The following INO80D variants were observed in gnomAD, a reference collection of about 807,000 sequenced individuals.
INO80D encodes INO80 complex subunit D.
INO80D carries 21 observed loss-of-function variants against 87.6 expected under a neutral mutation model. The ratio of observed to expected loss-of-function variants is 0.24; its 90% CI spans 0.17 to 0.35. INO80D has a LOEUF of 0.35. Ranked by LOEUF, INO80D falls within the 10% of genes least tolerant of loss-of-function variation. INO80D has a pLI of 1.00. For missense variants in INO80D, 982 were observed against 1,280.7 expected (o/e 0.77, Z 3.56); for synonymous variants, 440 against 491.0 (o/e 0.90, Z 1.37).
intron 8 of INO80D, among the ~76,000 whole-genome samples, chr2:206,011,414 A>G (rs1688171068): frequency 6.6e-6 from 1 of 152,190 alleles, no homozygotes; most frequent in Non-Finnish European, 1.5e-5. Flanking sequence ...CTTCACACAG[A>G]ACAGCCTGTG....
intron 1 of INO80D, chr2:206,084,455 C>A (rs1226662909): frequency 1.3e-5 from 2 of 152,186 alleles, no homozygotes; most frequent in African/African-American, 4.8e-5. Flanking sequence ...GATCCTTAAA[C>A]TGTAGACCTT....
intron 5 of INO80D, among the ~76,000 whole-genome samples, chr2:206,037,669 A>G (rs1376921991): frequency 6.6e-6 from 1 of 152,188 alleles, no homozygotes; most frequent in Non-Finnish European, 1.5e-5. Context: ...AAGATTTCTC[A>G]AAGAAGTAAA....
At chr2:206,067,312 T>C (rs563468036) in intron 1 of INO80D, among the ~76,000 whole-genome samples, 80 of 149,522 alleles carry the variant, frequency 5.4e-4, no homozygotes, top group African/African-American at 1.9e-3. Context: ...CTGGGAAAGG[T>C]AGGGGAAAGA....
chr2:206,023,789 G>C (rs1448810677), intron 6 of INO80D, among the ~76,000 whole-genome samples: 1 of 151,992 alleles, frequency 6.6e-6, no homozygotes, highest in Non-Finnish European at 1.5e-5. Flanking sequence ...CTAATCATGG[G>C]TGACACAACT....
chr2:206,027,156 G>GCACACA (rs34673264), intron 6 of INO80D, among the ~76,000 whole-genome samples: 10,461 of 151,284 alleles, frequency 0.069, 487 homozygotes, highest in Non-Finnish European at 0.11. Flanking sequence ...GCGCGCACGC[G>GCACACA]CACACACACA....
chr2:206,061,400 C>G (rs1004857074), intron 3 of INO80D, among the ~76,000 whole-genome samples: 8 of 151,990 alleles, frequency 5.3e-5, no homozygotes, highest in African/African-American at 1.7e-4. Flanking sequence ...AATTTTAAGA[C>G]AAAATTTTAG....
chr2:206,032,646 G>C (rs1688798407), intron 5 of INO80D, among the ~76,000 whole-genome samples: 1 of 152,192 alleles, frequency 6.6e-6, no homozygotes, highest in African/African-American at 2.4e-5. Flanking sequence ...CAAGCTAGAA[G>C]GGATTGGGGC....
At chr2:206,056,100 C>A in intron 4 of INO80D, 98 bp downstream of exon 4, 1 of 1,198,628 alleles carries the variant, frequency 8.3e-7, no homozygotes, top group Non-Finnish European at 1.2e-6. Context: ...TGATTCCACC[C>A]CCATCACATA....
intron 1 of INO80D, among the ~76,000 whole-genome samples, chr2:206,071,104 G>A (rs548465811): frequency 2.6e-5 from 4 of 151,592 alleles, no homozygotes; most frequent in Admixed American, 1.3e-4. Context: ...GATTACAGGT[G>A]CATGCCACCA....
intron 8 of INO80D, among the ~76,000 whole-genome samples, chr2:206,011,193 G>A (rs1688165355): frequency 6.6e-6 from 1 of 152,038 alleles, no homozygotes; most frequent in Non-Finnish European, 1.5e-5. Context: ...GAATGCGCAA[G>A]GGCCAGTACC....
At position 206,061,750 on chromosome 2, in the gene INO80D, T is replaced by C. The variant is rs568707292; in HGVS notation, c.218+1049A>G. Among the ~76,000 whole-genome samples, 7 of 152,340 alleles carry C rather than the reference T, an allele frequency of 4.6e-5. No individual in the cohort carries two copies. In the East Asian group the frequency reaches 7.7e-4, roughly 17 times the overall value. ...CAAATTATTTATTTCATACTGCAAG[T>C]GTAAAAAGTATTCATGACACAAAAT... On this transcript the variant is annotated intron_variant, in intron 3 of 10. Transcript: ENST00000403263.
chr2:206,066,786 CAG>C (rs978964333), intron 1 of INO80D, among the ~76,000 whole-genome samples: 38 of 132,872 alleles, frequency 2.9e-4, no homozygotes, highest in Middle Eastern at 5.1e-3. Context: ...GCCTGGGTGA[CAG>C]AGCAAGACTC....
chr2:206,049,961 A>T (rs1180087471), intron 4 of INO80D, among the ~76,000 whole-genome samples: 2 of 151,110 alleles, frequency 1.3e-5, no homozygotes, highest in Admixed American at 6.6e-5. Context: ...GTGAAACCCC[A>T]TCTCTACTAA....
rs993881085 is a variant in INO80D, at chr2:206,001,239, C to T, written c.*3129G>A. 6.6e-6 allele frequency: 1 copy of T among 152,154 alleles called. No homozygotes were observed. Among genetic ancestry groups the T allele is most frequent in the East Asian group, 1.9e-4 (1 of 5,196 alleles). 9.4% of individuals were successfully genotyped at this position (152,154 alleles called of 1,614,324 possible). A position where few individuals can be genotyped will look rare whatever the true frequency, so the allele number is the denominator to read the frequency against. On this transcript the variant is annotated 3_prime_UTR_variant, in exon 11 of 11. Transcript: ENST00000403263. ...AAGGAGAAAAAGCCCATCTTTTCTT[C>T]AGATACTACTGATCATAGCCAGTGA...
At chr2:206,028,000 A>T in intron 6 of INO80D, 111 bp downstream of exon 6, 2 of 657,300 alleles carry the variant, frequency 3.0e-6, no homozygotes, top group Non-Finnish European at 4.7e-6. Context: ...CATAATGCTT[A>T]AACGTTTAGG....
At position 206,009,719 on chromosome 2, in the gene INO80D, G is replaced by A. The variant is rs1444765401; in HGVS notation, c.1618C>T (p.Pro540Ser). 6.2e-7 allele frequency: 1 copy of A among 1,613,934 alleles called. No homozygotes were observed. The highest frequency in any genetic ancestry group is 2.2e-5 in the East Asian group (1 of 44,880). The change falls in exon 9 of 11, where the codon CCT (proline) becomes TCT (serine). Residue 540 changes from proline (P) to serine (S), a missense_variant. Transcript: ENST00000403263. ...TTGTGTTTTTTGGTTAGTGCAGGAGGCTTGGTTTTTTTCCTGGGTTTCCTC... is the reference window on the plus strand; with the variant it reads ...TTGTGTTTTTTGGTTAGTGCAGGAGACTTGGTTTTTTTCCTGGGTTTCCTC... Reference protein sequence around the residue: ...QQRKPRKKTKPPALTKKHKKK... With the variant: ...QQRKPRKKTKSPALTKKHKKK...
chr2:206,046,103 C>A (rs1019050347), intron 5 of INO80D, among the ~76,000 whole-genome samples: 2 of 152,110 alleles, frequency 1.3e-5, no homozygotes, highest in Non-Finnish European at 2.9e-5. Flanking sequence ...ACATTTACTC[C>A]CAAGTGGAAT....
rs1688412394 is a variant in INO80D, at chr2:206,019,821, C to G, written c.1323G>C (p.Glu441Asp). Residue 441 changes from glutamate (E) to aspartate (D), a missense_variant, in exon 7 of 11, where the codon GAG (glutamate) becomes GAC (aspartate). By Grantham distance (45) the Glu-to-Asp change is conservative. Transcript: ENST00000403263. ...RTSISRTKLR[E>D]VEPAACSGTV... ...TTCCACTGCATGCTGCTGGTTCCAC[C>G]TCCCTCAGCTTGGTCCGGCTTATGC... The G allele has an allele frequency of 1.2e-6, 2 of 1,613,868 alleles. No homozygotes were observed. Among genetic ancestry groups the G allele is most frequent in the South Asian group, 1.1e-5 (1 of 91,024 alleles).
At chr2:206,083,830 CA>C (rs1257398083) in intron 1 of INO80D, among the ~76,000 whole-genome samples, 5 of 117,218 alleles carry the variant, frequency 4.3e-5, no homozygotes, top group African/African-American at 1.7e-4. Flanking sequence ...GGACACCGCA[CA>C]TAAACACAAC....
Sources: allele counts gnomAD v4.1 joint callset (sites outside exome capture counted in the v4.1 genomes callset), GRCh38; gene constraint gnomAD v4.1.1; transcripts MANE v1.5; gene names NCBI Gene and HGNC (gene_info 2026-07-23, HGNC 2026-07-21).